ALDH1L2: variants seen among roughly 807,000 people sequenced by gnomAD.
The protein encoded by ALDH1L2 is mitochondrial 10-formyltetrahydrofolate dehydrogenase.
In ALDH1L2, 91 loss-of-function variants were observed where a neutral mutation model predicts 111.0. That is an observed-to-expected ratio of 0.82 (90% confidence interval 0.69 to 0.98). ALDH1L2 has a LOEUF of 0.98. ALDH1L2 is among the 50% of genes least tolerant of loss of function. The pLI, the probability that ALDH1L2 is intolerant of heterozygous loss-of-function variation, is 0.00. For synonymous variants in ALDH1L2, 374 were observed against 392.6 expected (o/e 0.95, Z 0.56); for missense variants, 995 against 1,126.8 (o/e 0.88, Z 1.67).
chr12:105,068,929 C>A, intron 3 of ALDH1L2, 45 bp from the exon 4 acceptor site: 1 of 1,403,046 alleles, frequency 7.1e-7, no homozygotes, highest in South Asian at 1.7e-5. Flanking sequence ...TTAACTGTAT[C>A]ATAAAGTGAT....
At chr12:105,030,077 C>G in intron 21 of ALDH1L2, 1 of 281,390 alleles carries the variant, frequency 3.6e-6, no homozygotes, top group Non-Finnish European at 6.5e-6. Context: ...ATGTCAAGTG[C>G]AGAAAAACTA....
rs768713616 is a variant in ALDH1L2, at chr12:105,040,666, G to C, written c.1892C>G (p.Ala631Gly). The C allele has an allele frequency of 2.4e-5, 38 of 1,613,950 alleles. No homozygotes were observed. The highest frequency in any genetic ancestry group is 4.0e-5 in the African/African-American group (3 of 74,896). Reference protein sequence around the residue: ...QVTPLTALKFAELSVKAGFPK... With the variant: ...QVTPLTALKFGELSVKAGFPK... ...AAAGCCTGCTTTCACAGACAGTTCT[G>C]CAAACTTCAAAGCAGTCAAGGGCGT... The change falls in exon 16 of 23, where the codon GCA (alanine) becomes GGA (glycine). Residue 631 changes from alanine (A) to glycine (G), a missense_variant. Ala to Gly is a moderately conservative substitution (Grantham distance 60, BLOSUM62 0). Transcript: ENST00000258494.
chr12:105,062,532 A>G (rs796678276), intron 7 of ALDH1L2, among the ~76,000 whole-genome samples: 4 of 152,238 alleles, frequency 2.6e-5, no homozygotes, highest in African/African-American at 9.6e-5. Context: ...GGCCACATCT[A>G]TTTCACTTGA....
At chr12:105,052,965 T>C in intron 10 of ALDH1L2, 34 bp from the exon 11 acceptor site, 24 of 1,609,090 alleles carry the variant, frequency 1.5e-5, no homozygotes, top group Non-Finnish European at 2.0e-5. Flanking sequence ...TCAATGGATT[T>C]CCGTGTTTAC....
intron 1 of ALDH1L2, among the ~76,000 whole-genome samples, chr12:105,075,405 AG>A (rs1350323622): frequency 1.3e-5 from 2 of 152,154 alleles, no homozygotes; most frequent in Non-Finnish European, 2.9e-5. Flanking sequence ...ACCAACATGG[AG>A]AAACCCTGTC....
At chr12:105,040,144 A>AC (rs1463741052) in intron 16 of ALDH1L2, among the ~76,000 whole-genome samples, 1 of 151,624 alleles carries the variant, frequency 6.6e-6, no homozygotes, top group East Asian at 1.9e-4. Flanking sequence ...AAAAAAAAAA[A>AC]AAAAAAAACC....
At chr12:105,044,087 T>G (rs888756488) in intron 15 of ALDH1L2, among the ~76,000 whole-genome samples, 25 of 152,206 alleles carry the variant, frequency 1.6e-4, no homozygotes, top group Admixed American at 1.6e-3. Context: ...CACCTTTGGG[T>G]CTTTCATTCT....
At chr12:105,057,308 T>C (rs546623819) in intron 10 of ALDH1L2, among the ~76,000 whole-genome samples, 1 of 152,148 alleles carries the variant, frequency 6.6e-6, no homozygotes, top group South Asian at 2.1e-4. Flanking sequence ...CATACATTGG[T>C]GGGATTACAT....
intron 1 of ALDH1L2, among the ~76,000 whole-genome samples, chr12:105,077,739 TAAA>T (rs543463878): frequency 8.7e-6 from 1 of 115,438 alleles, no homozygotes; most frequent in Non-Finnish European, 1.8e-5. Context: ...CTCCAAGAAT[TAAA>T]AAAAAAAAAA....
rs574072410 is a variant in ALDH1L2, at chr12:105,050,980, A to G, written c.1536-922T>C. 5.9e-5 allele frequency among the ~76,000 whole-genome samples: 9 copies of G among 152,270 alleles called. No individual in the cohort carries two copies. The East Asian group carries it at 1.7e-3, about 29-fold the overall frequency. On this transcript the variant is annotated intron_variant, in intron 12 of 22. Coordinates refer to ENST00000258494, the MANE Select transcript of ALDH1L2 (RefSeq NM_001034173.4). ...ATTGCTCTAGGAGATCTATTGATCT[A>G]GGTCCGATATTGGATTTTAGGTAAA...
chr12:105,058,365 C>T, intron 9 of ALDH1L2, 145 bp from the exon 10 acceptor site: 1 of 765,696 alleles, frequency 1.3e-6, no homozygotes, highest in Non-Finnish European at 1.9e-6. Flanking sequence ...TGATACTCAT[C>T]AGAGAAATTG....
In ALDH1L2 at chr12:105,032,857, A is replaced by T. The variant is rs574556118; in HGVS notation, c.2245-923T>A. On this transcript the variant is annotated intron_variant, in intron 19 of 22. Coordinates refer to ENST00000258494, the MANE Select transcript of ALDH1L2 (RefSeq NM_001034173.4). ...ATTGTTATCTTTTTTTTTCCTCCTCAAATGTGGCAGACTGCCTTTGTAAAA... is the reference window on the plus strand; with the variant it reads ...ATTGTTATCTTTTTTTTTCCTCCTCTAATGTGGCAGACTGCCTTTGTAAAA... 3.9e-5 allele frequency among the ~76,000 whole-genome samples: 6 copies of T among 152,200 alleles called. No homozygotes were observed. In the South Asian group the frequency reaches 1.2e-3, roughly 32 times the overall value.
At chr12:105,038,629 C>A (rs1185203523) in intron 17 of ALDH1L2, among the ~76,000 whole-genome samples, 1 of 151,958 alleles carries the variant, frequency 6.6e-6, no homozygotes, top group Non-Finnish European at 1.5e-5. Flanking sequence ...ATCACCACTG[C>A]ACTCCAGCCT....
At position 105,060,172 on chromosome 12, in the gene ALDH1L2, G is replaced by A. The variant is rs76270398; in HGVS notation, c.1139+809C>T. Reference sequence around the variant, plus strand: ...TGTCTTACTAGGTAATTTATGGGGGGGGCGAGGGTAGGAGAAAAAAGATTT... The same window carrying A: ...TGTCTTACTAGGTAATTTATGGGGGAGGCGAGGGTAGGAGAAAAAAGATTT... On this transcript the variant is annotated intron_variant, in intron 9 of 22. Transcript: ENST00000258494. Among the ~76,000 whole-genome samples the A allele has an allele frequency of 2.5e-3, 378 of 151,786 alleles. 6 individuals are homozygous for A. The East Asian group carries it at 0.04, about 16-fold the overall frequency.
At position 105,024,440 on chromosome 12, in the gene ALDH1L2, A is replaced by G; in HGVS notation, c.2756T>C (p.Val919Ala). Residue 919 changes from valine to alanine, a missense_variant, in exon 23 of 23, where the codon GTG becomes GCG. Val to Ala is a moderately conservative substitution (Grantham distance 64). Coordinates refer to ENST00000258494, the MANE Select transcript of ALDH1L2 (RefSeq NM_001034173.4). ...ALNEYLKTKT[V>A]TLEY The stretch of plus-strand genomic sequence containing the variant: ...GGTGTTGCTCTAATATTCCAGTGTC[A>G]CCGTCTTGGTTTTGAGATATTCATT... 6.2e-7 allele frequency: 1 copy of G among 1,614,046 alleles called. No homozygotes were observed. The highest frequency in any genetic ancestry group is 8.5e-7 in the Non-Finnish European group (1 of 1,179,970).
At chr12:105,062,771 G>T in intron 7 of ALDH1L2, 117 bp downstream of exon 7, 1 of 1,296,258 alleles carries the variant, frequency 7.7e-7, no homozygotes, top group Non-Finnish European at 1.0e-6. Context: ...CTCCATCAGG[G>T]CACTCAGAGC....
At chr12:105,049,077 CAT>C (rs1876096862) in intron 13 of ALDH1L2, among the ~76,000 whole-genome samples, 1 of 151,994 alleles carries the variant, frequency 6.6e-6, no homozygotes, top group East Asian at 1.9e-4. Flanking sequence ...TCCTAGGACA[CAT>C]ATTCAAAGAC....
rs1183530496 is a variant in ALDH1L2 at position 105,068,779 on chromosome 12, G to T, written c.534C>A (p.Pro178=). 1 of 1,606,818 alleles carries T rather than the reference G, an allele frequency of 6.2e-7. No homozygotes were observed. The highest frequency in any genetic ancestry group is 2.2e-5 in the East Asian group (1 of 44,468). ...TATAAAGTGCATCCACTGTATCATT[G>T]GGTTCAACATCACATGATCTCTGAA... ...ILLQRSCDVE[P]NDTVDALYNR... is the part of the protein sequence containing the mutation. Residue 178 remains proline (P), a synonymous_variant, in exon 4 of 23, where the codon CCC becomes CCA. Coordinates refer to ENST00000258494, the MANE Select transcript of ALDH1L2 (RefSeq NM_001034173.4).
In ALDH1L2 at chr12:105,030,339, GA is replaced by G; in HGVS notation, c.2500del (p.Ser834LeufsTer31). The G allele has an allele frequency of 6.2e-6, 10 of 1,609,866 alleles. No individual in the cohort carries two copies. The highest frequency in any genetic ancestry group is 8.5e-6 in the Non-Finnish European group (10 of 1,178,154). ...EESFGPIMVI[S>X]KFQNGDIDGV... ...AAGAACCTACCCATTTTGGAATTTA[GA>G]AATGACCATAATAGGCCCAAAGGAT... On this transcript the variant is annotated frameshift_variant, in exon 21 of 23. Coordinates refer to ENST00000258494, the MANE Select transcript of ALDH1L2 (RefSeq NM_001034173.4). LOFTEE classifies it high-confidence loss of function.
Sources: allele counts gnomAD v4.1 joint callset (sites outside exome capture counted in the v4.1 genomes callset), GRCh38; gene constraint gnomAD v4.1.1; transcripts MANE v1.5; gene names NCBI Gene and HGNC (gene_info 2026-07-23, HGNC 2026-07-21).